KIF26B: variants seen among roughly 807,000 people sequenced by gnomAD.
The protein encoded by KIF26B is kinesin-like protein KIF26B.
In KIF26B, 63 loss-of-function variants were observed where a neutral mutation model predicts 151.2. The observed-to-expected ratio is 0.42, with a 90% CI of 0.34 to 0.51. The LOEUF is 0.51. Among genes scored for constraint, KIF26B ranks in the 20% least tolerant of loss-of-function variants. The pLI, the probability that KIF26B is intolerant of heterozygous loss-of-function variation, is 0.07. For missense variants in KIF26B, 2,813 were observed against 2,913.6 expected, an observed-to-expected ratio of 0.97 and a Z score of 0.79; for synonymous variants, 1,357 against 1,262.1, an observed-to-expected ratio of 1.08 and a Z score of -1.59.
At chr1:245,184,084 A>G (rs1444790241) in intron 2 of KIF26B, among the ~76,000 whole-genome samples, 1 of 6,212 alleles carries the variant, frequency 1.6e-4, no homozygotes, top group African/African-American at 3.9e-4. Context: ...TTTCTTAAGT[A>G]TACCTGTGGT....
intron 2 of KIF26B, among the ~76,000 whole-genome samples, chr1:245,287,181 T>C (rs1433332107): frequency 1.3e-5 from 2 of 152,272 alleles, no homozygotes; most frequent in East Asian, 3.9e-4. Flanking sequence ...TAACAGGAAA[T>C]ATTTGCAGGT....
Position 245,702,440 on chromosome 1 carries a change from G to A in KIF26B, c.6179-18G>A. ...CCTGTTTGCTCTGCGTCTCCATCAGGCTCTTCCTCTCTTGCAGTTGACTTG... is the reference window on the plus strand; with the variant it reads ...CCTGTTTGCTCTGCGTCTCCATCAGACTCTTCCTCTCTTGCAGTTGACTTG... On this transcript the variant is annotated intron_variant, in intron 14 of 14. Coordinates refer to ENST00000407071, the MANE Select transcript of KIF26B (RefSeq NM_018012.4). The surrounding 1 kb of genome is among the most constrained non-coding windows in gnomAD (Gnocchi z 4.1). 2 of 1,613,644 alleles carry A rather than the reference G, an allele frequency of 1.2e-6. No individual in the cohort carries two copies. The highest frequency in any genetic ancestry group is 1.7e-6 in the Non-Finnish European group (2 of 1,179,720).
At chr1:245,374,139 G>C (rs12079080) in intron 3 of KIF26B, among the ~76,000 whole-genome samples, 3 of 76,384 alleles carry the variant, frequency 3.9e-5, no homozygotes, top group Non-Finnish European at 7.6e-5. Context: ...ATATATATAT[G>C]GGCACAAAAG....
intron 2 of KIF26B, among the ~76,000 whole-genome samples, chr1:245,339,481 G>T (rs1405753557): frequency 6.6e-6 from 1 of 152,110 alleles, no homozygotes; most frequent in East Asian, 1.9e-4. Context: ...AGTGTCAGTA[G>T]CCCAGAACTC....
At chr1:245,546,651 C>T (rs749068524) in intron 5 of KIF26B, among the ~76,000 whole-genome samples, 1 of 152,246 alleles carries the variant, frequency 6.6e-6, no homozygotes, top group Non-Finnish European at 1.5e-5. Flanking sequence ...CCAGTAGATT[C>T]TGGATCCCGC....
chr1:245,381,535 T>G (rs1310632185), intron 3 of KIF26B, among the ~76,000 whole-genome samples: 1 of 152,118 alleles, frequency 6.6e-6, no homozygotes, highest in Non-Finnish European at 1.5e-5. Context: ...AGTGTCAGTG[T>G]TTTTTAAGTG....
rs1668611015 is a variant in KIF26B, at chr1:245,166,137, C to CAGG, written c.465+9459_465+9461dup. On this transcript the variant is annotated intron_variant, in intron 2 of 14. Transcript: ENST00000407071. This position sits in a 1 kb window ranked among gnomAD's most constrained non-coding sequence, Gnocchi z 4.5. ...AGTGGGAGTCATGACAGAGCCCCAC[C>CAGG]AGGAGGATCGTGAGGATTAGGTGAA... Among the ~76,000 whole-genome samples the CAGG allele has an allele frequency of 6.6e-6, 1 of 152,162 alleles. No homozygotes were observed. The highest frequency in any genetic ancestry group is 1.5e-5 in the Non-Finnish European group (1 of 68,040).
Position 245,296,591 on chromosome 1 carries a change from C to T in KIF26B, c.466-70243C>T, listed in dbSNP as rs77957287. Among the ~76,000 whole-genome samples, 414 of 152,294 alleles carry T rather than the reference C, an allele frequency of 2.7e-3. 2 individuals are homozygous for T. Among genetic ancestry groups the T allele is most frequent in the African/African-American group, 9.1e-3 (378 of 41,570 alleles). On this transcript the variant is annotated intron_variant, in intron 2 of 14. Coordinates refer to ENST00000407071, the MANE Select transcript of KIF26B (RefSeq NM_018012.4). ...CCTGCGGGATTCAGACTCCAGATCC[C>T]CTGCTTTCCCATCGCCATGGGATGC...
chr1:245,253,471 T>C lies in KIF26B; in HGVS notation c.465+96788T>C, dbSNP rs115426432. Among the ~76,000 whole-genome samples the C allele has an allele frequency of 8.7e-3, 1,319 of 152,308 alleles. 20 individuals are homozygous for C. The highest frequency in any genetic ancestry group is 0.03 in the African/African-American group (1,238 of 41,566). ...ATTTGGAAGTTTCACATCTGTTTGC[T>C]AGTGAATGTGGCTTATAATTTTCTT... On this transcript the variant is annotated intron_variant, in intron 2 of 14. Coordinates refer to ENST00000407071, the MANE Select transcript of KIF26B (RefSeq NM_018012.4).
intron 2 of KIF26B, among the ~76,000 whole-genome samples, chr1:245,317,290 C>T (rs572450221): frequency 4.6e-5 from 7 of 152,306 alleles, no homozygotes; most frequent in Middle Eastern, 3.4e-3. Context: ...ACAGTGTTCA[C>T]GGGCCTAATA....
At chr1:245,701,307 G>GGAAA (rs764892178) in intron 14 of KIF26B, among the ~76,000 whole-genome samples, 4 of 152,202 alleles carry the variant, frequency 2.6e-5, no homozygotes, top group East Asian at 1.9e-4. Context: ...GGACTGGCAT[G>GGAAA]GAAAGATCCA....
intron 3 of KIF26B, among the ~76,000 whole-genome samples, chr1:245,382,272 A>G (rs1490679824): frequency 6.6e-6 from 1 of 152,092 alleles, no homozygotes; most frequent in Admixed American, 6.6e-5. Context: ...GTGAGGTGGC[A>G]TCTCATTGTG....
intron 2 of KIF26B, among the ~76,000 whole-genome samples, chr1:245,285,411 A>G (rs967220327): frequency 2.0e-5 from 3 of 152,200 alleles, no homozygotes; most frequent in African/African-American, 7.2e-5. Flanking sequence ...GCAAAGTCAC[A>G]TGGCAGAAGG....
intron 12 of KIF26B, among the ~76,000 whole-genome samples, chr1:245,696,019 C>G (rs2044688533): frequency 6.6e-6 from 1 of 152,218 alleles, no homozygotes; most frequent in African/African-American, 2.4e-5. Flanking sequence ...TGGCTCTTAT[C>G]CAAGACATTT....
intron 4 of KIF26B, among the ~76,000 whole-genome samples, chr1:245,491,294 C>T (rs1660404821): frequency 6.6e-6 from 1 of 152,178 alleles, no homozygotes; most frequent in Non-Finnish European, 1.5e-5. Flanking sequence ...TTTCTCTTCT[C>T]AAAAGAAGAT....
At chr1:245,226,567 G>A (rs1271670237) in intron 2 of KIF26B, among the ~76,000 whole-genome samples, 4 of 151,820 alleles carry the variant, frequency 2.6e-5, no homozygotes, top group Admixed American at 6.6e-5. Context: ...GGTTCTAAGC[G>A]ATTCTCCTGC....
chr1:245,169,115 A>G (rs1461821369), intron 2 of KIF26B, among the ~76,000 whole-genome samples: 1 of 152,110 alleles, frequency 6.6e-6, no homozygotes, highest in Non-Finnish European at 1.5e-5. Flanking sequence ...GAGCCCCAGG[A>G]ACACCACTTG....
chr1:245,329,445 C>T (rs1672057353), intron 2 of KIF26B, among the ~76,000 whole-genome samples: 1 of 152,240 alleles, frequency 6.6e-6, no homozygotes, highest in South Asian at 2.1e-4. Context: ...CCCTCATCGC[C>T]ACTATCTCTC....
Position 245,444,441 on chromosome 1 carries a change from C to T in KIF26B, c.1166+24696C>T, listed in dbSNP as rs566326065. On this transcript the variant is annotated intron_variant, in intron 4 of 14. Transcript: ENST00000407071. ...TGGCGACCTACACCCGCCCCTCCTC[C>T]GTACCTTGCAGGAGGCAGCGGGTGC... 6.6e-5 allele frequency among the ~76,000 whole-genome samples: 10 copies of T among 152,378 alleles called. No homozygotes were observed. The Middle Eastern group carries it at 0.01, about 155-fold the overall frequency.
Sources: gnomAD v4.1 joint callset for allele counts (sites outside exome capture counted in the v4.1 genomes callset) on GRCh38, gnomAD v4.1.1 for gene constraint, Gnocchi (gnomAD v3.1) non-coding constraint, MANE v1.5 for transcripts, NCBI Gene and HGNC (gene_info 2026-07-23, HGNC 2026-07-21) for gene names.